The following ROBO2 variants were observed in gnomAD, a reference collection of about 807,000 sequenced individuals.
The protein encoded by ROBO2 is roundabout guidance receptor 2, also known as roundabout homolog 2.
ROBO2 carries 53 observed loss-of-function variants against 160.8 expected under a neutral mutation model. The ratio of observed to expected loss-of-function variants is 0.33; its 90% confidence interval spans 0.26 to 0.41. The LOEUF (loss-of-function observed/expected upper bound fraction) is 0.41, where lower values mean the gene tolerates loss of function less well. Among genes scored for constraint, ROBO2 ranks in the 10% least tolerant of loss-of-function variants. The probability of loss-of-function intolerance (pLI) is 1.00; values close to 1 mark genes in which losing one functional copy is unlikely to be tolerated. For synonymous variants in ROBO2, 664 were observed against 611.7 expected (o/e 1.09, Z -1.26); for missense variants, 1,577 against 1,722.4 (o/e 0.92, Z 1.49).
intron 2 of ROBO2, among the ~76,000 whole-genome samples, chr3:77,005,157 C>T (rs2061518465): frequency 6.6e-6 from 1 of 152,186 alleles, no homozygotes; most frequent in Admixed American, 6.5e-5. Flanking sequence ...CAAACCTCTC[C>T]CCATTCAAAT....
intron 2 of ROBO2, among the ~76,000 whole-genome samples, chr3:76,622,144 G>A (rs1388839611): frequency 6.7e-6 from 1 of 150,260 alleles, no homozygotes; most frequent in Admixed American, 6.7e-5. Flanking sequence ...TAGAGTTTGC[G>A]ACTAGCCTGG....
intron 2 of ROBO2, among the ~76,000 whole-genome samples, chr3:76,849,872 C>G (rs540049151): frequency 6.6e-6 from 1 of 152,230 alleles, no homozygotes; most frequent in African/African-American, 2.4e-5. Context: ...TGTGCTAGCT[C>G]CTAGGATACA....
At chr3:76,828,783 T>G (rs545532777) in intron 2 of ROBO2, among the ~76,000 whole-genome samples, 6 of 152,290 alleles carry the variant, frequency 3.9e-5, no homozygotes, top group African/African-American at 1.4e-4. Flanking sequence ...CTGTGTTGGA[T>G]CTGATCTTTG....
chr3:76,927,156 G>T (rs1398855089), intron 2 of ROBO2, among the ~76,000 whole-genome samples: 1 of 152,064 alleles, frequency 6.6e-6, no homozygotes, highest in Non-Finnish European at 1.5e-5. Context: ...GTGATTTGCA[G>T]CTAACAGATG....
chr3:76,070,181 C>A (rs970712889), intron 2 of ROBO2, among the ~76,000 whole-genome samples: 22 of 152,160 alleles, frequency 1.4e-4, no homozygotes, highest in Admixed American at 3.9e-4. Context: ...CAGAGATAAC[C>A]TTAAACTCTG....
chr3:76,849,799 T>G (rs943187535), intron 2 of ROBO2, among the ~76,000 whole-genome samples: 2 of 152,196 alleles, frequency 1.3e-5, no homozygotes, highest in African/African-American at 4.8e-5. Flanking sequence ...AATATTATGT[T>G]TTTCCTTACT....
At chr3:76,213,522 GGTA>G (rs897771410) in intron 2 of ROBO2, among the ~76,000 whole-genome samples, 3 of 151,906 alleles carry the variant, frequency 2.0e-5, no homozygotes, top group Non-Finnish European at 2.9e-5. Flanking sequence ...AATTCAAAAA[GGTA>G]GTGTATTCTT....
intron 2 of ROBO2, among the ~76,000 whole-genome samples, chr3:76,335,109 C>T (rs1180208724): frequency 6.6e-6 from 1 of 150,834 alleles, no homozygotes; most frequent in Non-Finnish European, 1.5e-5. Context: ...GACTCAAGTA[C>T]TCTCAACTCT....
chr3:77,092,390 C>T (rs2070415207), intron 1 of ROBO2, among the ~76,000 whole-genome samples: 1 of 151,764 alleles, frequency 6.6e-6, no homozygotes, highest in Non-Finnish European at 1.5e-5. Context: ...GTCATGAGTT[C>T]TAATTCTGCT....
intron 2 of ROBO2, among the ~76,000 whole-genome samples, chr3:77,310,306 T>G (rs2153421678): frequency 6.6e-6 from 1 of 152,296 alleles, no homozygotes; most frequent in Non-Finnish European, 1.5e-5. Flanking sequence ...AAAGTAAATC[T>G]CTACACCTTC....
At chr3:77,140,123 A>G (rs1195229174) in intron 2 of ROBO2, among the ~76,000 whole-genome samples, 1 of 152,202 alleles carries the variant, frequency 6.6e-6, no homozygotes, top group East Asian at 1.9e-4. Context: ...ATACACATGA[A>G]CTGTGAGCGT....
chr3:76,304,407 C>T (rs528816629), intron 2 of ROBO2, among the ~76,000 whole-genome samples: 4 of 152,194 alleles, frequency 2.6e-5, no homozygotes, highest in South Asian at 2.1e-4. Context: ...GAAATAACGA[C>T]GTAATTAATG....
At chr3:76,016,517 G>A (rs2066409540) in intron 2 of ROBO2, among the ~76,000 whole-genome samples, 1 of 151,696 alleles carries the variant, frequency 6.6e-6, no homozygotes, top group African/African-American at 2.4e-5. Context: ...GCTTTTTTTG[G>A]TAAAGATACT....
intron 2 of ROBO2, among the ~76,000 whole-genome samples, chr3:76,317,097 G>A (rs183009916): frequency 3.5e-4 from 54 of 152,276 alleles, no homozygotes; most frequent in African/African-American, 1.1e-3. Flanking sequence ...TGTTATGTGC[G>A]TCTGTGTCTT....
chr3:77,291,901 A>T lies in ROBO2; in HGVS notation c.389-185513A>T, dbSNP rs28630403. ...AATTGATGGATAAACGGGTAAGCTG[A>T]GGCTAGATCACCCCAGACGTGAAGT... On this transcript the variant is annotated intron_variant, in intron 2 of 25. Transcript: ENST00000461745. 9.5e-5 allele frequency among the ~76,000 whole-genome samples: 14 copies of T among 146,862 alleles called. No homozygotes were observed. In the East Asian group the frequency reaches 2.1e-3, roughly 22 times the overall value.
Position 77,474,397 on chromosome 3 carries a change from G to A in ROBO2, c.389-3017G>A, listed in dbSNP as rs189894773. ...TTTTCAGTGAAACATCAGAGGCAAA[G>A]GGGACGCTTTCCCTTGGCCCCTACA... On this transcript the variant is annotated intron_variant, in intron 2 of 25. Transcript: ENST00000461745. Among the ~76,000 whole-genome samples, 467 of 152,242 alleles carry A rather than the reference G, an allele frequency of 3.1e-3. 3 individuals are homozygous for A. Among genetic ancestry groups the A allele is most frequent in the Admixed American group, 5.3e-3 (81 of 15,296 alleles).
At chr3:76,403,365 T>C (rs1259272517) in intron 2 of ROBO2, among the ~76,000 whole-genome samples, 3 of 151,686 alleles carry the variant, frequency 2.0e-5, no homozygotes, top group East Asian at 3.9e-4. Flanking sequence ...AAAATATTTG[T>C]CTATGTTATT....
intron 2 of ROBO2, among the ~76,000 whole-genome samples, chr3:77,129,223 A>G (rs2150338570): frequency 6.6e-6 from 1 of 152,140 alleles, no homozygotes. Flanking sequence ...TAAAACTTGT[A>G]TATATTTATG....
chr3:77,603,381 A>G lies in ROBO2; in HGVS notation c.3136+890A>G, dbSNP rs534777319. On this transcript the variant is annotated intron_variant, in intron 20 of 25. Coordinates refer to ENST00000461745, the Ensembl canonical transcript of ROBO2. ...CATGAAAGTCAATTCCATGTTATAG[A>G]TACCAAAAGATGAATTCAACTAAAA... Among the ~76,000 whole-genome samples, 395 of 152,312 alleles carry G rather than the reference A, an allele frequency of 2.6e-3. 2 individuals are homozygous for G. The highest frequency in any genetic ancestry group is 9.2e-3 in the African/African-American group (382 of 41,572).
Sources: allele counts gnomAD v4.1 joint callset (sites outside exome capture counted in the v4.1 genomes callset), GRCh38; gene constraint gnomAD v4.1.1; transcripts MANE v1.5; gene names NCBI Gene and HGNC (gene_info 2026-07-23, HGNC 2026-07-21).